PTPRD: variants seen among roughly 807,000 people sequenced by gnomAD.
The protein encoded by PTPRD is receptor-type tyrosine-protein phosphatase delta.
In PTPRD, 34 loss-of-function variants were observed where a neutral mutation model predicts 214.5. The observed-to-expected ratio is 0.16, with a 90% CI of 0.12 to 0.21. The LOEUF is 0.21. PTPRD is among the 10% of genes least tolerant of loss of function. The pLI is 1.00. For missense variants in PTPRD, 2,545 were observed against 2,398.7 expected, an observed-to-expected ratio of 1.06 and a Z score of -1.27; for synonymous variants, 1,128 against 845.7, an observed-to-expected ratio of 1.33 and a Z score of -5.79.
Position 9,197,006 on chromosome 9 carries a change from G to T in PTPRD, c.-202-13643C>A, listed in dbSNP as rs183294515. Among the ~76,000 whole-genome samples the T allele has an allele frequency of 4.2e-3, 643 of 152,228 alleles. 3 individuals carry two copies. Among genetic ancestry groups the T allele is most frequent in the Non-Finnish European group, 6.4e-3 (434 of 68,020 alleles). On this transcript the variant is annotated intron_variant, in intron 9 of 45. Transcript: ENST00000381196. ...CACTCCCTAATCATGTCTGAGAATA[G>T]ACAAAAACATAATAACATTGTCAAA...
intron 11 of PTPRD, among the ~76,000 whole-genome samples, chr9:8,943,872 C>T (rs1208112921): frequency 2.6e-5 from 4 of 151,618 alleles, no homozygotes; most frequent in Non-Finnish European, 5.9e-5. Flanking sequence ...TCCAAAAGCA[C>T]AAGCAACCAA....
chr9:8,823,295 T>G (rs2097108770), intron 11 of PTPRD, among the ~76,000 whole-genome samples: 1 of 152,182 alleles, frequency 6.6e-6, no homozygotes, highest in Non-Finnish European at 1.5e-5. Flanking sequence ...CCCACAAAGC[T>G]TTAATTGCCA....
chr9:9,227,543 C>T (rs538101724), intron 9 of PTPRD, among the ~76,000 whole-genome samples: 11 of 152,086 alleles, frequency 7.2e-5, no homozygotes, highest in Non-Finnish European at 1.3e-4. Context: ...GAGACAAAGG[C>T]TTGAGTATGG....
intron 8 of PTPRD, among the ~76,000 whole-genome samples, chr9:9,552,420 G>A (rs917938782): frequency 6.6e-6 from 1 of 151,926 alleles, no homozygotes; most frequent in East Asian, 1.9e-4. Flanking sequence ...TACTCCAAAC[G>A]ATGAGCTTTT....
chr9:9,448,423 G>C (rs906713434), intron 8 of PTPRD, among the ~76,000 whole-genome samples: 2 of 151,952 alleles, frequency 1.3e-5, no homozygotes, highest in Admixed American at 6.6e-5. Context: ...TTTCCTAAGT[G>C]TTTGCAAGTT....
intron 4 of PTPRD, among the ~76,000 whole-genome samples, chr9:10,024,725 A>C (rs1252013379): frequency 1.3e-5 from 2 of 149,708 alleles, no homozygotes; most frequent in African/African-American, 4.9e-5. Flanking sequence ...GGTGTGCTGC[A>C]CCCATTAACT....
intron 11 of PTPRD, among the ~76,000 whole-genome samples, chr9:8,774,310 A>G (rs904005243): frequency 3.7e-4 from 57 of 152,258 alleles, no homozygotes; most frequent in Middle Eastern, 3.4e-3. Context: ...TAATTTGAAT[A>G]ACATATTATT....
chr9:8,480,108 G>A (rs1350608255), intron 30 of PTPRD, among the ~76,000 whole-genome samples: 1 of 152,142 alleles, frequency 6.6e-6, no homozygotes, highest in Admixed American at 6.5e-5. Context: ...TCTATTCCCA[G>A]AAATAGTCCT....
At chr9:10,184,267 A>G (rs1429246417) in intron 3 of PTPRD, among the ~76,000 whole-genome samples, 1 of 152,086 alleles carries the variant, frequency 6.6e-6, no homozygotes, top group African/African-American at 2.4e-5. Flanking sequence ...TCTACCAAAA[A>G]TAGAAAAATT....
At chr9:8,471,673 A>G (rs368471908) in intron 30 of PTPRD, among the ~76,000 whole-genome samples, 13 of 152,160 alleles carry the variant, frequency 8.5e-5, no homozygotes, top group African/African-American at 3.1e-4. Context: ...TAAGTACCGC[A>G]GAAAATTGGA....
At chr9:9,008,634 T>C (rs1255750305) in intron 11 of PTPRD, among the ~76,000 whole-genome samples, 1 of 152,156 alleles carries the variant, frequency 6.6e-6, no homozygotes, top group Non-Finnish European at 1.5e-5. Context: ...ACCTTTGTTT[T>C]TGATGCAAGA....
At chr9:9,904,783 T>C (rs950526019) in intron 5 of PTPRD, among the ~76,000 whole-genome samples, 1 of 151,992 alleles carries the variant, frequency 6.6e-6, no homozygotes, top group African/African-American at 2.4e-5. Flanking sequence ...ATTTGGAAAA[T>C]AGATGACATA....
At chr9:9,932,208 A>C (rs1207120975) in intron 5 of PTPRD, among the ~76,000 whole-genome samples, 3 of 151,112 alleles carry the variant, frequency 2.0e-5, no homozygotes, top group South Asian at 2.1e-4. Flanking sequence ...TCACCAGCAA[A>C]AGAACAAAGC....
chr9:9,041,462 G>A (rs35271488), intron 10 of PTPRD, among the ~76,000 whole-genome samples: 4,519 of 152,112 alleles, frequency 0.03, 112 homozygotes, highest in Non-Finnish European at 0.049. Flanking sequence ...AGGAACATGC[G>A]GTATTTGATT....
At chr9:10,350,095 A>G (rs2097156997) in intron 2 of PTPRD, among the ~76,000 whole-genome samples, 1 of 152,236 alleles carries the variant, frequency 6.6e-6, no homozygotes, top group Admixed American at 6.5e-5. Context: ...TGATTAGACA[A>G]TACTTCACTA....
At chr9:8,613,924 C>T (rs181259365) in intron 14 of PTPRD, among the ~76,000 whole-genome samples, 395 of 151,552 alleles carry the variant, frequency 2.6e-3, no homozygotes, top group African/African-American at 8.7e-3. Context: ...TAGCTCTTAT[C>T]AAAGAAGAGT....
At position 10,050,888 on chromosome 9, in the gene PTPRD, C is replaced by T. The variant is rs1025194382; in HGVS notation, c.-544-17098G>A. Among the ~76,000 whole-genome samples the T allele has an allele frequency of 2.6e-5, 4 of 152,140 alleles. No homozygotes were observed. The East Asian group carries it at 7.7e-4, about 29-fold the overall frequency. ...TATCTAACTATCTATTAGAAAATTA[C>T]ATAAAATCAAATGTTGATTCACTTT... On this transcript the variant is annotated intron_variant, in intron 3 of 45. Transcript: ENST00000381196.
intron 6 of PTPRD, among the ~76,000 whole-genome samples, chr9:9,738,598 C>T (rs901744775): frequency 2.0e-5 from 3 of 151,616 alleles, no homozygotes; most frequent in Admixed American, 1.3e-4. Flanking sequence ...GCCACCATCA[C>T]GCCTGACTAA....
rs150681988 is a variant in PTPRD, at chr9:8,534,352, G to A, written c.353-5573C>T. ...ATAGAATAACAATGGAATTCTTGGT[G>A]TTGAAACTAATGGCTAAAAAAGCCC... On this transcript the variant is annotated intron_variant, in intron 14 of 45. Transcript: ENST00000381196. Among the ~76,000 whole-genome samples the A allele has an allele frequency of 2.7e-3, 405 of 151,940 alleles. 2 individuals are homozygous for A. The East Asian group carries it at 0.048, about 18-fold the overall frequency.
Sources: allele counts gnomAD v4.1 joint callset (sites outside exome capture counted in the v4.1 genomes callset), GRCh38; gene constraint gnomAD v4.1.1; transcripts MANE v1.5; gene names NCBI Gene and HGNC (gene_info 2026-07-23, HGNC 2026-07-21).